DPF3: variants seen among roughly 807,000 people sequenced by gnomAD.
DPF3 encodes double PHD fingers 3.
Under a neutral mutation model 56.8 loss-of-function variants are expected in DPF3, and 18 were observed. The ratio of observed to expected loss-of-function variants is 0.32; its 90% CI spans 0.22 to 0.47. The LOEUF is 0.47. DPF3 is among the 20% of genes least tolerant of loss of function. The probability of loss-of-function intolerance (pLI) is 1.00; values close to 1 mark genes in which losing one functional copy is unlikely to be tolerated. For missense variants in DPF3, 403 were observed against 488.8 expected (o/e 0.82, Z 1.65); for synonymous variants, 188 against 180.2 (o/e 1.04, Z -0.35).
At position 72,782,552 on chromosome 14, in the gene DPF3, G is replaced by A. The variant is rs191063906; in HGVS notation, c.33-10659C>T. Among the ~76,000 whole-genome samples, 207 of 152,278 alleles carry A rather than the reference G, an allele frequency of 1.4e-3. 1 individual carries two copies. Among genetic ancestry groups the A allele is most frequent in the Middle Eastern group, 6.8e-3 (2 of 294 alleles). On this transcript the variant is annotated intron_variant, in intron 1 of 10. Transcript: ENST00000556509. ...AGTGATCTTTTAAAAACAGAAATCA[G>A]GGCTGGGCACGGTGGCCCACGCCTG...
chr14:72,819,484 G>A (rs1351707206), intron 1 of DPF3, among the ~76,000 whole-genome samples: 2 of 151,836 alleles, frequency 1.3e-5, no homozygotes, highest in South Asian at 2.1e-4. Flanking sequence ...ACAATATTTT[G>A]GAAAATTCAT....
rs1184681169 is a variant in DPF3, at chr14:72,614,579, C to T, written c.*4718G>A. On this transcript the variant is annotated 3_prime_UTR_variant, in exon 11 of 11. Coordinates refer to ENST00000556509, the MANE Select transcript of DPF3 (RefSeq NM_001280542.3). ...ACTCCCCAAGGCTGCAGGCATGATC[C>T]AGCCCTCCCTCACTGCCTTCTCTCC... is the stretch of plus-strand genomic sequence containing the variant. 2.0e-5 allele frequency among the ~76,000 whole-genome samples: 3 copies of T among 152,006 alleles called. No individual in the cohort carries two copies. The highest frequency in any genetic ancestry group is 7.3e-5 in the African/African-American group (3 of 41,374).
chr14:72,673,247 T>C (rs927218227), intron 8 of DPF3, among the ~76,000 whole-genome samples: 2 of 152,234 alleles, frequency 1.3e-5, no homozygotes, highest in African/African-American at 4.8e-5. Flanking sequence ...TGGGGTCATC[T>C]CAGTTCTTCT....
At chr14:72,887,377 A>T (rs1402228599) in intron 1 of DPF3, among the ~76,000 whole-genome samples, 1 of 152,176 alleles carries the variant, frequency 6.6e-6, no homozygotes, top group East Asian at 1.9e-4. Context: ...AAAAGCCCAC[A>T]TTCTAAATGG....
intron 1 of DPF3, among the ~76,000 whole-genome samples, chr14:72,861,212 ATTTTTATTTCTCAATGATTACCG>A (rs1885393454): frequency 6.6e-6 from 1 of 151,874 alleles, no homozygotes; most frequent in African/African-American, 2.4e-5. Context: ...GTGAATATAT[ATTTTTATTTCTCAATGATTACCG>A]TTTTTATTGC....
intron 1 of DPF3, among the ~76,000 whole-genome samples, chr14:72,891,717 G>T (rs933039065): frequency 2.0e-5 from 3 of 151,958 alleles, no homozygotes; most frequent in African/African-American, 7.3e-5. Flanking sequence ...GCTGGTCAGT[G>T]GTATTGTTTA....
chr14:72,826,146 A>G (rs1301639659), intron 1 of DPF3, among the ~76,000 whole-genome samples: 1 of 152,164 alleles, frequency 6.6e-6, no homozygotes, highest in Non-Finnish European at 1.5e-5. Flanking sequence ...ACATGTGGAG[A>G]GAAAGTTGAA....
At chr14:72,679,592 C>T (rs1472008088) in intron 7 of DPF3, among the ~76,000 whole-genome samples, 1 of 152,218 alleles carries the variant, frequency 6.6e-6, no homozygotes, top group East Asian at 1.9e-4. Context: ...TCGCCCCTCT[C>T]GTTTGTTCCC....
chr14:72,610,356 T>C lies in DPF3; in HGVS notation c.*8941A>G, dbSNP rs1883648911. On this transcript the variant is annotated 3_prime_UTR_variant, in exon 11 of 11. Coordinates refer to ENST00000556509, the MANE Select transcript of DPF3 (RefSeq NM_001280542.3). ...AGGGACCTGGTCATCCTTCCTACCA[T>C]AGGAGCCACCTGCCAAAGCCCACCC... Among the ~76,000 whole-genome samples the C allele has an allele frequency of 6.6e-6, 1 of 152,062 alleles. No individual in the cohort carries two copies. Among genetic ancestry groups the C allele is most frequent in the African/African-American group, 2.4e-5 (1 of 41,400 alleles).
chr14:72,854,697 T>C (rs968077968), intron 1 of DPF3, among the ~76,000 whole-genome samples: 4 of 152,188 alleles, frequency 2.6e-5, no homozygotes, highest in African/African-American at 9.7e-5. Context: ...ATCCTGGGTC[T>C]CTTGAACTCC....
At chr14:72,764,423 T>C (rs1377653645) in intron 2 of DPF3, among the ~76,000 whole-genome samples, 1 of 151,760 alleles carries the variant, frequency 6.6e-6, no homozygotes, top group East Asian at 1.9e-4. Flanking sequence ...ATTTGGCTGT[T>C]TCAGATACAT....
At chr14:72,840,469 C>T (rs77013125) in intron 1 of DPF3, among the ~76,000 whole-genome samples, 2,298 of 152,260 alleles carry the variant, frequency 0.015, 51 homozygotes, top group African/African-American at 0.053. Context: ...CCTTTCCAGG[C>T]GGCCCGTGTT....
intron 8 of DPF3, chr14:72,670,601 A>G: frequency 6.1e-6 from 6 of 987,978 alleles, no homozygotes; most frequent in Non-Finnish European, 7.2e-6. Context: ...GCTTGCCTCT[A>G]AACAGGATAT....
chr14:72,619,757 A>C (rs1884309081), intron 10 of DPF3, 146 bp downstream of exon 10: 1 of 797,740 alleles, frequency 1.3e-6, no homozygotes, highest in South Asian at 2.4e-5. Flanking sequence ...CGTCGTACCT[A>C]CCTTGTGGGG....
chr14:72,642,970 G>A (rs139578223), intron 8 of DPF3, among the ~76,000 whole-genome samples: 4 of 152,296 alleles, frequency 2.6e-5, no homozygotes, highest in South Asian at 2.1e-4. Context: ...TTGATTCCCC[G>A]TGGGGATCCT....
chr14:72,621,254 A>T (rs1308658592), intron 9 of DPF3, among the ~76,000 whole-genome samples: 3 of 152,114 alleles, frequency 2.0e-5, no homozygotes, highest in Non-Finnish European at 4.4e-5. Flanking sequence ...CCTTGGGGGC[A>T]AAATCTTGTT....
At chr14:72,764,375 G>A (rs2139927066) in intron 2 of DPF3, among the ~76,000 whole-genome samples, 1 of 150,414 alleles carries the variant, frequency 6.6e-6, no homozygotes, top group Non-Finnish European at 1.5e-5. Context: ...GAAGCTTCAT[G>A]TCTCTTTTCC....
intron 8 of DPF3, among the ~76,000 whole-genome samples, chr14:72,667,901 T>TA (rs1176771092): frequency 6.6e-6 from 1 of 152,230 alleles, no homozygotes; most frequent in Non-Finnish European, 1.5e-5. Context: ...CAGGCAACGA[T>TA]AGAGTATAGG....
intron 1 of DPF3, among the ~76,000 whole-genome samples, chr14:72,773,540 C>T (rs1891629020): frequency 6.6e-6 from 1 of 152,134 alleles, no homozygotes; most frequent in Non-Finnish European, 1.5e-5. Context: ...TACTGTTGTA[C>T]GACCACCACT....
Sources: gnomAD v4.1 joint callset for allele counts (sites outside exome capture counted in the v4.1 genomes callset) on GRCh38, gnomAD v4.1.1 for gene constraint, MANE v1.5 for transcripts, NCBI Gene and HGNC (gene_info 2026-07-23, HGNC 2026-07-21) for gene names.